Variants in MBD3 observed in about 807,000 individuals in gnomAD.
The protein encoded by MBD3 is methyl-CpG-binding domain protein 3.
A neutral mutation model predicts 31.2 loss-of-function variants in MBD3; 13 were observed. That is an observed-to-expected ratio of 0.42 (90% CI 0.27 to 0.66). The LOEUF (loss-of-function observed/expected upper bound fraction) is 0.66, where lower values mean the gene tolerates loss of function less well. Among genes scored for constraint, MBD3 ranks in the 30% least tolerant of loss-of-function variants. The pLI is 0.26. For synonymous variants in MBD3, 223 were observed against 187.4 expected, an observed-to-expected ratio of 1.19 and a Z score of -1.55; for missense variants, 440 against 426.5, an observed-to-expected ratio of 1.03 and a Z score of -0.28.
At position 1,592,710 on chromosome 19, in the gene MBD3, TCCGCTGCCGCTGCCG is replaced by T. The variant is rs1177403023; in HGVS notation, c.-94_-80del. On this transcript the variant is annotated 5_prime_UTR_variant, in exon 1 of 7. Coordinates refer to ENST00000434436, the MANE Select transcript of MBD3 (RefSeq NM_001281453.2). ...ACTCGCCGCCGCCGCCTCAGCTGCCTCCGCTGCCGCTGCCGCCGCCGCCACTTGCCGCGGCTGTTC... is the reference window on the plus strand; with the variant it reads ...ACTCGCCGCCGCCGCCTCAGCTGCCTCCGCCGCCACTTGCCGCGGCTGTTC... 1.3e-5 allele frequency: 5 copies of T among 384,502 alleles called. No homozygotes were observed. The highest frequency in any genetic ancestry group is 1.4e-5 in the Non-Finnish European group (4 of 277,904). The allele number at this position is 384,502 out of a possible 1,614,324, so 23.8% of individuals were successfully genotyped here. A position where few individuals can be genotyped will look rare whatever the true frequency, so the allele number is the denominator to read the frequency against.
rs770391776 is a variant in MBD3, at chr19:1,576,454, T to C, written c.*1710A>G. 1.3e-5 allele frequency: 2 copies of C among 152,254 alleles called. No individual in the cohort carries two copies. The highest frequency in any genetic ancestry group is 2.9e-5 in the Non-Finnish European group (2 of 68,108). 9.4% of individuals were successfully genotyped at this position (152,254 alleles called of 1,614,324 possible). A position where few individuals can be genotyped will look rare whatever the true frequency, so the allele number is the denominator to read the frequency against. On this transcript the variant is annotated 3_prime_UTR_variant, in exon 7 of 7. Coordinates refer to ENST00000434436, the MANE Select transcript of MBD3 (RefSeq NM_001281453.2). The stretch of plus-strand genomic sequence containing the variant: ...GGGCCAAGACCCACGATCCCTAGGC[T>C]GAGCCAGCGGCACCTCAGGGGGCAC...
chr19:1,579,711 A>AC (rs1199849545), intron 5 of MBD3, among the ~76,000 whole-genome samples: 1 of 152,100 alleles, frequency 6.6e-6, no homozygotes, highest in Non-Finnish European at 1.5e-5. Flanking sequence ...ATCTTTCCAG[A>AC]CAGGACCCTA....
chr19:1,575,229 A>G lies in MBD3; in HGVS notation c.*2935T>C, dbSNP rs1323215477. The G allele has an allele frequency of 2.3e-6, 1 of 430,986 alleles. No individual in the cohort carries two copies. Among genetic ancestry groups the G allele is most frequent in the African/African-American group, 2.0e-5 (1 of 49,606 alleles). 26.7% of individuals were successfully genotyped at this position (430,986 alleles called of 1,614,324 possible). The stretch of plus-strand genomic sequence containing the variant: ...CGGATCACCTGAGGTTAGGAGTTCC[A>G]GACCAGACTGGCCAACATGGTGAAA... On this transcript the variant is annotated 3_prime_UTR_variant, in exon 7 of 7. Transcript: ENST00000434436.
At chr19:1,584,858 G>T (rs1460073000) in intron 2 of MBD3, 181 bp from the exon 3 acceptor site, 7 of 984,744 alleles carry the variant, frequency 7.1e-6, no homozygotes, top group Non-Finnish European at 9.8e-6. Flanking sequence ...GCTCTGGAAC[G>T]CCCGCCGCGG....
rs1380153015 is a variant in MBD3 at position 1,577,525 on chromosome 19, G to C, written c.*639C>G. 6.6e-6 allele frequency: 1 copy of C among 152,284 alleles called. No individual in the cohort carries two copies. The highest frequency in any genetic ancestry group is 1.5e-5 in the Non-Finnish European group (1 of 68,074). 9.4% of individuals were successfully genotyped at this position (152,284 alleles called of 1,614,324 possible). On this transcript the variant is annotated 3_prime_UTR_variant, in exon 7 of 7. Transcript: ENST00000434436. ...CTGGAGTTTGGTTTTCAGAAGCGAA[G>C]GCTGGCGTTGGCACACAGGGAAGGC... is the stretch of plus-strand genomic sequence containing the variant.
At chr19:1,587,507 T>G (rs2060684861) in intron 1 of MBD3, among the ~76,000 whole-genome samples, 1 of 151,968 alleles carries the variant, frequency 6.6e-6, no homozygotes, top group African/African-American at 2.4e-5. Context: ...CTTGACCTCC[T>G]GGACTCAAGG....
At position 1,585,311 on chromosome 19, in the gene MBD3, AGG is replaced by A; in HGVS notation, c.111-99_111-98del. On this transcript the variant is annotated intron_variant, in intron 1 of 6. Coordinates refer to ENST00000434436, the MANE Select transcript of MBD3 (RefSeq NM_001281453.2). This position sits in a 1 kb window ranked among gnomAD's most constrained non-coding sequence, Gnocchi z 4.1. Reference sequence around the variant, plus strand: ...CAAACCCAGTCCCAGCCCCAGCTTCAGGTCGCGACCCCAGCCCCAGACCCCAA... The same window carrying A: ...CAAACCCAGTCCCAGCCCCAGCTTCATCGCGACCCCAGCCCCAGACCCCAA... The A allele has an allele frequency of 1.4e-6, 2 of 1,389,598 alleles. No homozygotes were observed. The highest frequency in any genetic ancestry group is 2.5e-4 in the Middle Eastern group (1 of 4,006). 86.1% of individuals were successfully genotyped at this position (1,389,598 alleles called of 1,614,324 possible).
chr19:1,580,310 G>A (rs955581131), intron 5 of MBD3, among the ~76,000 whole-genome samples: 5 of 152,184 alleles, frequency 3.3e-5, no homozygotes, highest in Admixed American at 2.0e-4. Context: ...TGGGGGTGGC[G>A]TCTCAGGTCC....
intron 1 of MBD3, among the ~76,000 whole-genome samples, chr19:1,587,393 C>T (rs182740819): frequency 1.3e-5 from 2 of 151,956 alleles, no homozygotes; most frequent in African/African-American, 4.8e-5. Context: ...GTCATCACGC[C>T]CTGCTGCTTC....
At chr19:1,590,137 A>C (rs2060697033) in intron 1 of MBD3, among the ~76,000 whole-genome samples, 1 of 149,466 alleles carries the variant, frequency 6.7e-6, no homozygotes, top group African/African-American at 2.5e-5. Flanking sequence ...TTCTCTACTA[A>C]AAATACAAAA....
At chr19:1,580,862 C>T (rs1447595270) in intron 5 of MBD3, among the ~76,000 whole-genome samples, 2 of 152,252 alleles carry the variant, frequency 1.3e-5, no homozygotes, top group Non-Finnish European at 2.9e-5. Flanking sequence ...GGACCACACT[C>T]TTTTCAAGAA....
Position 1,582,727 on chromosome 19 carries a change from T to C in MBD3, c.409-15A>G, listed in dbSNP as rs780371362. On this transcript the variant is annotated splice_polypyrimidine_tract_variant and intron_variant, in intron 3 of 6. Transcript: ENST00000434436. ...TCCCAGAAGAGCTGCCCCAGACACATATGTGAACCTCAAGAGTGGCCCTGC... is the reference window on the plus strand; with the variant it reads ...TCCCAGAAGAGCTGCCCCAGACACACATGTGAACCTCAAGAGTGGCCCTGC... 1.9e-6 allele frequency: 3 copies of C among 1,609,486 alleles called. No homozygotes were observed. The highest frequency in any genetic ancestry group is 2.2e-5 in the South Asian group (2 of 90,276).
intron 4 of MBD3, among the ~76,000 whole-genome samples, chr19:1,581,982 TGATCTC>T (rs913836717): frequency 1.7e-4 from 26 of 152,264 alleles, no homozygotes; most frequent in African/African-American, 6.3e-4. Flanking sequence ...TTAGCCAGGA[TGATCTC>T]GATCTCCTGA....
In MBD3 at chr19:1,584,604, A is replaced by G. The variant is rs1234244334; in HGVS notation, c.344T>C (p.Ile115Thr). The G allele has an allele frequency of 6.2e-7, 1 of 1,613,870 alleles. No individual in the cohort carries two copies. Among genetic ancestry groups the G allele is most frequent in the South Asian group, 1.1e-5 (1 of 91,082 alleles). The change falls in exon 3 of 7, where the codon ATT becomes ACT. Residue 115 changes from isoleucine (I) to threonine (T), a missense_variant. Ile to Thr is a moderately conservative substitution (Grantham distance 89). This residue lies in a region of MBD3 where 144 missense variants were observed against 196.9 expected (regional missense o/e 0.73). Coordinates refer to ENST00000434436, the MANE Select transcript of MBD3 (RefSeq NM_001281453.2). ...ASIFKQPVTK[I>T]TNHPSNKVKS... ...GACCTTGTTGCTGGGGTGGTTGGTAATCTTGGTCACCGGCTGCTTGAAGAT... is the reference window on the plus strand; with the variant it reads ...GACCTTGTTGCTGGGGTGGTTGGTAGTCTTGGTCACCGGCTGCTTGAAGAT...
rs377691076 is a variant in MBD3 at position 1,581,241 on chromosome 19, C to A, written c.528G>T (p.Thr176=). The A allele has an allele frequency of 2.6e-5, 42 of 1,610,978 alleles. No homozygotes were observed. The African/African-American group carries it at 4.1e-4, about 16-fold the overall frequency. ...GGGCGCTGGCGATGGCCGACAGCAG[C>A]GTCTCATCCGTGCAGCCAGGTCCCA... ...QGVGPGCTDE[T]LLSAIASALH... Residue 176 remains threonine, a synonymous_variant, in exon 5 of 7, where the codon ACG becomes ACT. Coordinates refer to ENST00000434436, the MANE Select transcript of MBD3 (RefSeq NM_001281453.2).
chr19:1,588,291 C>A (rs1435761396), intron 1 of MBD3, among the ~76,000 whole-genome samples: 1 of 152,178 alleles, frequency 6.6e-6, no homozygotes, highest in Admixed American at 6.6e-5. Flanking sequence ...AGACTTAACT[C>A]TTTTAATTAC....
In MBD3 at chr19:1,585,150, G is replaced by A. The variant is rs12460525; in HGVS notation, c.175C>T (p.Leu59=). Residue 59 remains leucine, a synonymous_variant, in exon 2 of 7, where the codon CTG becomes TTG. Coordinates refer to ENST00000434436, the MANE Select transcript of MBD3 (RefSeq NM_001281453.2). The surrounding 1 kb of genome is among the most constrained non-coding windows in gnomAD (Gnocchi z 4.1). The stretch of plus-strand genomic sequence containing the variant: ...CCCGTGCGGAAGTCGAAGGTGCTCA[G>A]GTCCATGGAGCCGCCCAGGTAGCGC... ...LARYLGGSMD[L]STFDFRTGKM... 27 of 1,610,690 alleles carry A rather than the reference G, an allele frequency of 1.7e-5. No individual in the cohort carries two copies. Among genetic ancestry groups the A allele is most frequent in the South Asian group, 2.2e-5 (2 of 91,066 alleles).
Position 1,578,655 on chromosome 19 carries a change from C to T in MBD3, c.678-117G>A. The T allele has an allele frequency of 2.5e-6, 4 of 1,588,566 alleles. No homozygotes were observed. Among genetic ancestry groups the T allele is most frequent in the South Asian group, 2.2e-5 (2 of 90,142 alleles). On this transcript the variant is annotated intron_variant, in intron 5 of 6. Transcript: ENST00000434436. This position sits in a 1 kb window ranked among gnomAD's most constrained non-coding sequence, Gnocchi z 6.1. ...GGCCCGAGGGATCCACAGGCACCCC[C>T]CCAGGACCAGCCCTGGCCCGTGCCA...
At position 1,578,001 on chromosome 19, in the gene MBD3, C is replaced by A; in HGVS notation, c.*163G>T. On this transcript the variant is annotated 3_prime_UTR_variant, in exon 7 of 7. Coordinates refer to ENST00000434436, the MANE Select transcript of MBD3 (RefSeq NM_001281453.2). The surrounding 1 kb of genome is among the most constrained non-coding windows in gnomAD (Gnocchi z 6.1). ...CAGCCCCAGCTGTGTGCCCCGAGGC[C>A]CCGGGAAGTGGGGACGGGCCGAGGA... 1 of 447,312 alleles carries A rather than the reference C, an allele frequency of 2.2e-6. No individual in the cohort carries two copies. The highest frequency in any genetic ancestry group is 4.1e-6 in the Non-Finnish European group (1 of 242,174). The allele number at this position is 447,312 out of a possible 1,614,324, so 27.7% of individuals were successfully genotyped here.
Sources: allele counts gnomAD v4.1 joint callset (sites outside exome capture counted in the v4.1 genomes callset), GRCh38; gene constraint gnomAD v4.1.1; regional missense constraint gnomAD v4.1.1; non-coding constraint Gnocchi (gnomAD v3.1); transcripts MANE v1.5; gene names NCBI Gene and HGNC (gene_info 2026-07-23, HGNC 2026-07-21).